Variants in ALG5 observed in about 807,000 individuals in gnomAD.
The protein encoded by ALG5 is ALG5 dolichyl-phosphate beta-glucosyltransferase.
Under a neutral mutation model 51.8 loss-of-function variants are expected in ALG5, and 26 were observed. The observed-to-expected ratio is 0.50, with a 90% CI of 0.37 to 0.70. The LOEUF (loss-of-function observed/expected upper bound fraction) is 0.70, where lower values mean the gene tolerates loss of function less well. Ranked by LOEUF, ALG5 falls within the 30% of genes least tolerant of loss-of-function variation. The pLI is 0.00. For missense variants in ALG5, 311 were observed against 399.3 expected (o/e 0.78, Z 1.88); for synonymous variants, 141 against 136.1 (o/e 1.04, Z -0.25).
chr13:36,986,883 T>G (rs1316503814), intron 5 of ALG5, among the ~76,000 whole-genome samples: 1 of 152,204 alleles, frequency 6.6e-6, no homozygotes, highest in Non-Finnish European at 1.5e-5. Flanking sequence ...AACCAGTAAG[T>G]GACTAATTTC....
chr13:36,986,332 T>C (rs886796576), intron 5 of ALG5, among the ~76,000 whole-genome samples: 1 of 152,238 alleles, frequency 6.6e-6, no homozygotes, highest in African/African-American at 2.4e-5. Context: ...AATTATGCCA[T>C]TCAATTCTGA....
At chr13:36,959,369 CA>C (rs1376620959) in intron 8 of ALG5, among the ~76,000 whole-genome samples, 1 of 151,494 alleles carries the variant, frequency 6.6e-6, no homozygotes, top group African/African-American at 2.4e-5. Context: ...GTTCCCACCA[CA>C]AAAAAAGGAT....
intron 8 of ALG5, among the ~76,000 whole-genome samples, chr13:36,961,843 G>A (rs954153270): frequency 3.9e-5 from 6 of 152,072 alleles, no homozygotes; most frequent in African/African-American, 7.2e-5. Context: ...GTGCAGTGGC[G>A]TGATCTCGGC....
intron 8 of ALG5, among the ~76,000 whole-genome samples, chr13:36,953,506 C>T (rs964698425): frequency 1.3e-5 from 2 of 152,168 alleles, no homozygotes; most frequent in Non-Finnish European, 2.9e-5. Flanking sequence ...TCTTCTTCAT[C>T]GTCATTGAAA....
At chr13:36,957,474 G>A (rs9531999) in intron 8 of ALG5, among the ~76,000 whole-genome samples, 2 of 151,992 alleles carry the variant, frequency 1.3e-5, no homozygotes, top group African/African-American at 2.4e-5. Context: ...TCAAGGCTGC[G>A]GTAACCCAGG....
chr13:36,975,760 C>A (rs937191315), intron 6 of ALG5, among the ~76,000 whole-genome samples: 1 of 152,008 alleles, frequency 6.6e-6, no homozygotes, highest in African/African-American at 2.4e-5. Context: ...AGGTTCTTTA[C>A]CTGTAATCCA....
At chr13:36,980,042 G>A (rs766471105) in intron 6 of ALG5, among the ~76,000 whole-genome samples, 4 of 152,018 alleles carry the variant, frequency 2.6e-5, no homozygotes, top group African/African-American at 4.8e-5. Context: ...ATGAGACCTT[G>A]TCTCAAAAAA....
chr13:36,954,993 C>T (rs2058833517), intron 8 of ALG5, among the ~76,000 whole-genome samples: 1 of 152,056 alleles, frequency 6.6e-6, no homozygotes, highest in Non-Finnish European at 1.5e-5. Context: ...AGAAGGGTGC[C>T]ACAGAGCACC....
At chr13:36,968,085 C>G (rs2058903659) in intron 7 of ALG5, 1 of 179,020 alleles carries the variant, frequency 5.6e-6, no homozygotes, top group East Asian at 1.4e-4. Flanking sequence ...AAAAGCTTAA[C>G]AAGGTTAGTC....
chr13:36,979,205 ATGGGGTTTTACCATGT>A (rs1395721542), intron 6 of ALG5, among the ~76,000 whole-genome samples: 3 of 151,960 alleles, frequency 2.0e-5, no homozygotes, highest in Non-Finnish European at 4.4e-5. Context: ...TTTAGTAGAG[ATGGGGTTTTACCATGT>A]TGGCCAGGCT....
rs369602005 is a variant in ALG5, at chr13:36,958,919, C to G, written c.774-6320G>C. On this transcript the variant is annotated intron_variant, in intron 8 of 9. Transcript: ENST00000239891. ...GCATTCGAGCAGGAAGTGGCAACCC[C>G]CTTTGGGTCCCCTCCCATTGTATGG... is the stretch of plus-strand genomic sequence containing the variant. 2.6e-5 allele frequency among the ~76,000 whole-genome samples: 4 copies of G among 152,066 alleles called. No homozygotes were observed. In the East Asian group the frequency reaches 7.7e-4, roughly 29 times the overall value.
chr13:36,971,920 A>AT, intron 7 of ALG5, 57 bp downstream of exon 7: 2 of 1,376,002 alleles, frequency 1.5e-6, no homozygotes, highest in Non-Finnish European at 2.0e-6. Flanking sequence ...TATATATATA[A>AT]AAAAAGAAAT....
At chr13:36,983,881 T>G (rs2058990497) in intron 6 of ALG5, among the ~76,000 whole-genome samples, 1 of 152,110 alleles carries the variant, frequency 6.6e-6, no homozygotes, top group Non-Finnish European at 1.5e-5. Context: ...AATAAATATT[T>G]ATTTCTAGAA....
chr13:36,977,213 A>C (rs923831533), intron 6 of ALG5, among the ~76,000 whole-genome samples: 1 of 152,244 alleles, frequency 6.6e-6, no homozygotes, highest in East Asian at 1.9e-4. Flanking sequence ...TTCTTCAGAA[A>C]TGAAAGATAT....
chr13:36,979,147 G>A (rs375433734), intron 6 of ALG5, among the ~76,000 whole-genome samples: 18 of 151,994 alleles, frequency 1.2e-4, no homozygotes, highest in African/African-American at 4.1e-4. Flanking sequence ...CTCCTGAGTA[G>A]CTGGGACTAC....
At chr13:36,975,752 G>T (rs2058947290) in intron 6 of ALG5, among the ~76,000 whole-genome samples, 1 of 152,120 alleles carries the variant, frequency 6.6e-6, no homozygotes, top group Non-Finnish European at 1.5e-5. Context: ...CCTTTAAAAG[G>T]TTCTTTACCT....
At chr13:36,987,483 G>C (rs146893615) in intron 5 of ALG5, among the ~76,000 whole-genome samples, 1 of 152,146 alleles carries the variant, frequency 6.6e-6, no homozygotes, top group Non-Finnish European at 1.5e-5. Flanking sequence ...ATGAGATCTG[G>C]TTGTCTAAAA....
At chr13:36,975,216 A>G (rs557583271) in intron 6 of ALG5, among the ~76,000 whole-genome samples, 269 of 152,312 alleles carry the variant, frequency 1.8e-3, no homozygotes, top group African/African-American at 6.2e-3. Flanking sequence ...TGTCTAAAAA[A>G]ACAAACCACC....
chr13:36,989,373 C>A, intron 5 of ALG5, 111 bp downstream of exon 5: 2 of 715,006 alleles, frequency 2.8e-6, no homozygotes, highest in South Asian at 2.0e-5. Context: ...ATTATGTTAT[C>A]ACTAACTTGA....
Sources: allele counts gnomAD v4.1 joint callset (sites outside exome capture counted in the v4.1 genomes callset), GRCh38; gene constraint gnomAD v4.1.1; transcripts MANE v1.5; gene names NCBI Gene and HGNC (gene_info 2026-07-23, HGNC 2026-07-21).